Variants in SERINC5 observed in about 807,000 individuals in gnomAD.
SERINC5 encodes chromosome 5 open reading frame 12.
Under a neutral mutation model 63.1 loss-of-function variants are expected in SERINC5, and 41 were observed. That is an observed-to-expected ratio of 0.65 (90% CI 0.51 to 0.84). The LOEUF is 0.84. Among genes scored for constraint, SERINC5 ranks in the 40% least tolerant of loss-of-function variants. The probability of loss-of-function intolerance (pLI) is 0.00; values close to 1 mark genes in which losing one functional copy is unlikely to be tolerated. For missense variants in SERINC5, 523 were observed against 573.0 expected (o/e 0.91, Z 0.89); for synonymous variants, 222 against 215.2 (o/e 1.03, Z -0.28).
intron 2 of SERINC5, among the ~76,000 whole-genome samples, chr5:80,182,548 C>T (rs56103861): frequency 0.39 from 52,654 of 133,742 alleles, 12,217 homozygotes; most frequent in Non-Finnish European, 0.42. Flanking sequence ...CTGACCGCCC[C>T]CCCCCCCTCC....
At chr5:80,234,148 C>G (rs1751580950) in intron 1 of SERINC5, among the ~76,000 whole-genome samples, 1 of 152,212 alleles carries the variant, frequency 6.6e-6, no homozygotes, top group East Asian at 1.9e-4. Flanking sequence ...TTTGAAATGG[C>G]TGAATCTTAG....
At chr5:80,126,893 A>G (rs138218905) in intron 11 of SERINC5, among the ~76,000 whole-genome samples, 1 of 152,322 alleles carries the variant, frequency 6.6e-6, no homozygotes, top group Non-Finnish European at 1.5e-5. Context: ...CAAGCCTGGT[A>G]TAATTTAAAT....
intron 11 of SERINC5, among the ~76,000 whole-genome samples, chr5:80,128,110 T>A (rs2112248544): frequency 6.6e-6 from 1 of 152,342 alleles, no homozygotes; most frequent in East Asian, 1.9e-4. Context: ...CAAAATACTA[T>A]AATGGTTACA....
chr5:80,157,386 C>T (rs991832618), intron 8 of SERINC5: 10 of 151,986 alleles, frequency 6.6e-5, no homozygotes, highest in Admixed American at 4.6e-4. Context: ...TTTCAAAAGA[C>T]AGGGTCTCAC....
chr5:80,252,450 A>G (rs1488010193), intron 1 of SERINC5, among the ~76,000 whole-genome samples: 3 of 152,140 alleles, frequency 2.0e-5, no homozygotes, highest in Non-Finnish European at 4.4e-5. Flanking sequence ...CCCTGTGTTC[A>G]TTACCGTGTC....
chr5:80,230,789 CTT>C (rs1487438045), intron 1 of SERINC5, among the ~76,000 whole-genome samples: 3 of 147,670 alleles, frequency 2.0e-5, no homozygotes. Flanking sequence ...CTCTTTCTTT[CTT>C]TCTTTCTCTC....
At position 80,139,339 on chromosome 5, in the gene SERINC5, T is replaced by C. The variant is rs1396905317; in HGVS notation, c.*4324A>G. ...TATTACAAATCTGCTGTAAGCTTTC[T>C]TTACCTGAGAGAACTTCCCAGGATC... On this transcript the variant is annotated 3_prime_UTR_variant, in exon 12 of 12. Coordinates refer to ENST00000507668, the MANE Select transcript of SERINC5 (RefSeq NM_001174072.3). 1.0e-6 allele frequency: 1 copy of C among 984,744 alleles called. No homozygotes were observed. The highest frequency in any genetic ancestry group is 1.2e-6 in the Non-Finnish European group (1 of 829,440). 61.0% of individuals were successfully genotyped at this position (984,744 alleles called of 1,614,324 possible).
At chr5:80,135,557 G>A (rs545578576), downstream of SERINC5, among the ~76,000 whole-genome samples, 5 of 152,174 alleles carry the variant, frequency 3.3e-5, no homozygotes, top group African/African-American at 1.2e-4. Flanking sequence ...GTAAGGATGA[G>A]TGTATGAAAT....
At chr5:80,192,664 C>T (rs947583049) in intron 2 of SERINC5, among the ~76,000 whole-genome samples, 1 of 152,114 alleles carries the variant, frequency 6.6e-6, no homozygotes, top group Non-Finnish European at 1.5e-5. Flanking sequence ...GCCAGCATGT[C>T]GAAAGATAAT....
intron 2 of SERINC5, 64 bp from the exon 3 acceptor site, chr5:80,178,128 G>A (rs190628403): frequency 0.013 from 13,737 of 1,089,554 alleles, 90 homozygotes; most frequent in Non-Finnish European, 0.015. Context: ...GTCACGGAGT[G>A]TTCATGCAGC....
At chr5:80,240,178 T>TA (rs1272056619) in intron 1 of SERINC5, among the ~76,000 whole-genome samples, 1 of 152,138 alleles carries the variant, frequency 6.6e-6, no homozygotes, top group Admixed American at 6.6e-5. Flanking sequence ...TTCGTGGTAA[T>TA]ACACAAAAAA....
Position 80,177,940 on chromosome 5 carries a change from A to G in SERINC5, c.320T>C (p.Leu107Pro). 1 of 1,612,262 alleles carries G rather than the reference A, an allele frequency of 6.2e-7. No homozygotes were observed. Among genetic ancestry groups the G allele is most frequent in the Non-Finnish European group, 8.5e-7 (1 of 1,179,148 alleles). ...GCTGTTGTTGATTTTCAAGGTCAGT[A>G]GACAGAAGATAAAGAAGAAACAAGC... ...GMACFFFIFC[L>P]LTLKINNSKS... The change falls in exon 3 of 12, where the codon CTA becomes CCA. Residue 107 changes from leucine to proline, a missense_variant. Physicochemically the swap from Leu to Pro is moderately conservative, Grantham distance 98. Coordinates refer to ENST00000507668, the MANE Select transcript of SERINC5 (RefSeq NM_001174072.3).
chr5:80,151,053 A>G, intron 8 of SERINC5, 105 bp from the exon 9 acceptor site: 5 of 812,696 alleles, frequency 6.2e-6, no homozygotes, highest in Non-Finnish European at 8.7e-6. Context: ...CCTCAATGTA[A>G]CCTACCGTTC....
intron 1 of SERINC5, among the ~76,000 whole-genome samples, chr5:80,218,848 G>C (rs1750782657): frequency 6.6e-6 from 1 of 151,828 alleles, no homozygotes. Flanking sequence ...TCACAGAAAG[G>C]GCTCACTGCT....
chr5:80,129,775 T>C (rs1489306476), intron 11 of SERINC5, among the ~76,000 whole-genome samples: 1 of 152,240 alleles, frequency 6.6e-6, no homozygotes, highest in Non-Finnish European at 1.5e-5. Flanking sequence ...TTGAGTGATA[T>C]TCTTGTAACT....
At chr5:80,177,157 A>G (rs564815218) in intron 4 of SERINC5, among the ~76,000 whole-genome samples, 158 bp downstream of exon 4, 1 of 152,326 alleles carries the variant, frequency 6.6e-6, no homozygotes, top group Admixed American at 6.5e-5. Flanking sequence ...ATAGGCAATG[A>G]TGGAAAAAGT....
intron 8 of SERINC5, among the ~76,000 whole-genome samples, chr5:80,154,458 C>T (rs1425901973): frequency 1.3e-5 from 2 of 152,026 alleles, no homozygotes; most frequent in South Asian, 2.1e-4. Flanking sequence ...GGATTACAGG[C>T]GTGAGCCATC....
intron 11 of SERINC5, among the ~76,000 whole-genome samples, chr5:80,124,527 T>G (rs1164918408): frequency 6.6e-6 from 1 of 152,134 alleles, no homozygotes; most frequent in Non-Finnish European, 1.5e-5. Flanking sequence ...AGGGCTTAAA[T>G]ACAAGGAAAT....
chr5:80,188,244 C>T (rs1001391400), intron 2 of SERINC5, among the ~76,000 whole-genome samples: 1 of 139,186 alleles, frequency 7.2e-6, no homozygotes, highest in Non-Finnish European at 1.5e-5. Context: ...GATCCCACCA[C>T]TGCACTCTAG....
Sources: allele counts gnomAD v4.1 joint callset (sites outside exome capture counted in the v4.1 genomes callset), GRCh38; gene constraint gnomAD v4.1.1; transcripts MANE v1.5; gene names NCBI Gene and HGNC (gene_info 2026-07-23, HGNC 2026-07-21).